The following CADPS2 variants were observed in gnomAD, a reference collection of about 807,000 sequenced individuals.
CADPS2 encodes calcium dependent secretion activator 2, also known as calcium-dependent secretion activator 2.
A neutral mutation model predicts 172.5 loss-of-function variants in CADPS2; 93 were observed. The ratio of observed to expected loss-of-function variants is 0.54; its 90% confidence interval spans 0.46 to 0.64. The LOEUF (loss-of-function observed/expected upper bound fraction) is 0.64, where lower values mean the gene tolerates loss of function less well. Ranked by LOEUF, CADPS2 falls within the 30% of genes least tolerant of loss-of-function variation. CADPS2 has a pLI of 0.00. For synonymous variants in CADPS2, 546 were observed against 555.2 expected (o/e 0.98, Z 0.23); for missense variants, 1,420 against 1,565.9 (o/e 0.91, Z 1.57).
intron 6 of CADPS2, among the ~76,000 whole-genome samples, chr7:122,595,664 C>T (rs1432146971): frequency 2.0e-5 from 3 of 152,028 alleles, no homozygotes; most frequent in Non-Finnish European, 4.4e-5. Context: ...TAGGAATGCT[C>T]CTTTTGGGCT....
intron 3 of CADPS2, among the ~76,000 whole-genome samples, chr7:122,649,113 T>C (rs1185902885): frequency 6.6e-6 from 1 of 151,400 alleles, no homozygotes; most frequent in Non-Finnish European, 1.5e-5. Context: ...TGATCTAGTA[T>C]ATAAGGCCCT....
At chr7:122,592,045 C>G (rs2070895059) in intron 6 of CADPS2, among the ~76,000 whole-genome samples, 1 of 152,128 alleles carries the variant, frequency 6.6e-6, no homozygotes, top group Non-Finnish European at 1.5e-5. Flanking sequence ...TCAGAGTGAA[C>G]AGGCAACCTA....
At chr7:122,866,961 C>T (rs1386139678) in intron 1 of CADPS2, among the ~76,000 whole-genome samples, 1 of 152,170 alleles carries the variant, frequency 6.6e-6, no homozygotes, top group African/African-American at 2.4e-5. Context: ...CCACCCTGCA[C>T]AACTTTGCTG....
intron 15 of CADPS2, among the ~76,000 whole-genome samples, chr7:122,443,119 T>C (rs2051597413): frequency 6.6e-6 from 1 of 152,210 alleles, no homozygotes; most frequent in African/African-American, 2.4e-5. Context: ...CATTAACCTG[T>C]GGGTGACACA....
At chr7:122,474,636 A>T in intron 12 of CADPS2, 119 bp from the exon 13 acceptor site, 1 of 911,014 alleles carries the variant, frequency 1.1e-6, no homozygotes, top group Non-Finnish European at 1.6e-6. Flanking sequence ...TATCACATGA[A>T]ATATGATGCC....
chr7:122,543,193 G>T (rs571968464), intron 8 of CADPS2, among the ~76,000 whole-genome samples: 2 of 152,036 alleles, frequency 1.3e-5, no homozygotes, highest in Admixed American at 1.3e-4. Context: ...CCAAAGTCAT[G>T]GAAGAAGCAA....
chr7:122,353,636 C>T (rs2038979358), intron 27 of CADPS2, among the ~76,000 whole-genome samples: 1 of 152,082 alleles, frequency 6.6e-6, no homozygotes, highest in Admixed American at 6.6e-5. Flanking sequence ...TCCTTAAACC[C>T]CAAAATGTCC....
At chr7:122,572,917 C>T (rs2067463588) in intron 7 of CADPS2, among the ~76,000 whole-genome samples, 1 of 152,138 alleles carries the variant, frequency 6.6e-6, no homozygotes, top group South Asian at 2.1e-4. Context: ...TATGCCACCT[C>T]TATTTCCGTA....
chr7:122,412,824 G>GAT (rs1313822225), intron 19 of CADPS2: 1 of 152,176 alleles, frequency 6.6e-6, no homozygotes, highest in Admixed American at 6.5e-5. Context: ...AGTCCTTGGA[G>GAT]ATATACCAGA....
At chr7:122,720,708 C>T (rs2090290638) in intron 2 of CADPS2, among the ~76,000 whole-genome samples, 1 of 151,722 alleles carries the variant, frequency 6.6e-6, no homozygotes, top group Admixed American at 6.6e-5. Flanking sequence ...AAAGGATATA[C>T]CTCCTGTAAT....
chr7:122,645,347 G>GTACA lies in CADPS2; in HGVS notation c.787-16020_787-16019insTGTA, dbSNP rs1563947582. 1.1e-3 allele frequency among the ~76,000 whole-genome samples: 69 copies of GTACA among 60,676 alleles called. 5 individuals are homozygous for GTACA. Among genetic ancestry groups the GTACA allele is most frequent in the Admixed American group, 0.01 (61 of 5,936 alleles). 39.8% of individuals were successfully genotyped at this position (60,676 alleles called of 152,430 possible). A position where few individuals can be genotyped will look rare whatever the true frequency, so the allele number is the denominator to read the frequency against. On this transcript the variant is annotated intron_variant, in intron 3 of 29. Coordinates refer to ENST00000449022, the MANE Select transcript of CADPS2 (RefSeq NM_017954.11). ...TGTACATATATACACACATGTACAT[G>GTACA]TGTGTGTATACATGTACATGTATAC...
intron 7 of CADPS2, among the ~76,000 whole-genome samples, chr7:122,558,331 T>C (rs2065285501): frequency 6.6e-6 from 1 of 152,176 alleles, no homozygotes; most frequent in South Asian, 2.1e-4. Flanking sequence ...TCCTTCTGTA[T>C]CCTAAATTCG....
At chr7:122,656,333 G>C (rs991375163) in intron 3 of CADPS2, among the ~76,000 whole-genome samples, 2 of 152,100 alleles carry the variant, frequency 1.3e-5, no homozygotes, top group East Asian at 3.9e-4. Context: ...AAAGCAGAAA[G>C]GTTTTGCCTG....
At chr7:122,769,012 A>G (rs1400759956) in intron 1 of CADPS2, among the ~76,000 whole-genome samples, 2 of 152,138 alleles carry the variant, frequency 1.3e-5, no homozygotes, top group African/African-American at 4.8e-5. Context: ...CTAGATCACA[A>G]CAAGGCTGCC....
At chr7:122,324,417 A>C (rs921488467) in intron 29 of CADPS2, among the ~76,000 whole-genome samples, 1 of 152,110 alleles carries the variant, frequency 6.6e-6, no homozygotes, top group Non-Finnish European at 1.5e-5. Flanking sequence ...GTCTTTGAAA[A>C]CTTTAGCATG....
chr7:122,668,410 A>C (rs1455644339), intron 2 of CADPS2, among the ~76,000 whole-genome samples: 2 of 151,722 alleles, frequency 1.3e-5, no homozygotes, highest in Non-Finnish European at 1.5e-5. Flanking sequence ...GTTAAAAAAA[A>C]AAAAAAAACA....
Position 122,737,064 on chromosome 7 carries a change from T to C in CADPS2, c.344A>G (p.Asn115Ser), listed in dbSNP as rs2092206718. 6.4e-7 allele frequency: 1 copy of C among 1,571,768 alleles called. No homozygotes were observed. The highest frequency in any genetic ancestry group is 1.4e-5 in the African/African-American group (1 of 74,004). Residue 115 changes from asparagine to serine, a missense_variant, in exon 2 of 30, where the codon AAC becomes AGC. Asn to Ser is a conservative substitution (Grantham distance 46). Transcript: ENST00000449022. ...TDMARRQQKL[N>S]KQQLQLLKER... is the part of the protein sequence containing the mutation. ...TTTCAGTAACTGCAACTGTTGTTTG[T>C]TAAGCTACAAGAAAAAGAGAAAATA...
intron 8 of CADPS2, among the ~76,000 whole-genome samples, chr7:122,544,111 C>A (rs948310726): frequency 6.6e-6 from 1 of 151,850 alleles, no homozygotes; most frequent in Non-Finnish European, 1.5e-5. Flanking sequence ...CATATATATA[C>A]CAGGAGACAT....
intron 9 of CADPS2, among the ~76,000 whole-genome samples, chr7:122,506,115 T>A (rs948958785): frequency 6.6e-6 from 1 of 152,210 alleles, no homozygotes; most frequent in Non-Finnish European, 1.5e-5. Flanking sequence ...GAGGCAGTCT[T>A]GCAGCCTCTA....
Sources: gnomAD v4.1 joint callset for allele counts (sites outside exome capture counted in the v4.1 genomes callset) on GRCh38, gnomAD v4.1.1 for gene constraint, MANE v1.5 for transcripts, NCBI Gene and HGNC (gene_info 2026-07-23, HGNC 2026-07-21) for gene names.